Variants in PDE1B observed in about 807,000 individuals in gnomAD.
PDE1B encodes dual specificity calcium/calmodulin-dependent 3',5'-cyclic nucleotide phosphodiesterase 1B.
Under a neutral mutation model 66.7 loss-of-function variants are expected in PDE1B, and 13 were observed. The ratio of observed to expected loss-of-function variants is 0.19; its 90% confidence interval spans 0.13 to 0.31. The LOEUF is 0.31. Among genes scored for constraint, PDE1B ranks in the 10% least tolerant of loss-of-function variants. The probability of loss-of-function intolerance (pLI) is 1.00; values close to 1 mark genes in which losing one functional copy is unlikely to be tolerated. For synonymous variants in PDE1B, 230 were observed against 253.9 expected, an observed-to-expected ratio of 0.91 and a Z score of 0.90; for missense variants, 485 against 682.3, an observed-to-expected ratio of 0.71 and a Z score of 3.22.
In PDE1B at chr12:54,569,078, A is replaced by G. The variant is rs756010641; in HGVS notation, c.228-106A>G. On this transcript the variant is annotated intron_variant, in intron 3 of 15. Transcript: ENST00000243052. This position sits in a 1 kb window ranked among gnomAD's most constrained non-coding sequence, Gnocchi z 4.4. ...AAAGGAAACAGGGTTGAAGACAGAG[A>G]GCTGGCATGAGAGTTACTAAATGTG... 1 of 1,473,478 alleles carries G rather than the reference A, an allele frequency of 6.8e-7. No individual in the cohort carries two copies. Among genetic ancestry groups the G allele is most frequent in the East Asian group, 2.4e-5 (1 of 41,558 alleles). 91.3% of individuals were successfully genotyped at this position (1,473,478 alleles called of 1,614,324 possible). A position where few individuals can be genotyped will look rare whatever the true frequency, so the allele number is the denominator to read the frequency against.
At chr12:54,577,415 G>C (rs756627179) in intron 15 of PDE1B, 70 bp downstream of exon 15, 56 of 1,608,052 alleles carry the variant, frequency 3.5e-5, no homozygotes, top group Non-Finnish European at 4.8e-5. Context: ...GGTCGTCTCT[G>C]GGCTCCAGTG....
chr12:54,550,393 A>G (rs528953364), intron 2 of PDE1B, among the ~76,000 whole-genome samples: 5 of 152,376 alleles, frequency 3.3e-5, no homozygotes, highest in Admixed American at 2.6e-4. Flanking sequence ...AGCGTGGGTC[A>G]CAGAGGTATG....
At position 54,555,205 on chromosome 12, in the gene PDE1B, T is replaced by C. The variant is rs1381194055; in HGVS notation, c.113+5220T>C. ...ATGGAGCAATTGCAGTTCTGAGACATGGTGAGTGTGGGAAGCCCAGGGGCT... is the reference window on the plus strand; with the variant it reads ...ATGGAGCAATTGCAGTTCTGAGACACGGTGAGTGTGGGAAGCCCAGGGGCT... On this transcript the variant is annotated intron_variant, in intron 2 of 15. Transcript: ENST00000243052. Among the ~76,000 whole-genome samples the C allele has an allele frequency of 3.3e-5, 5 of 152,180 alleles. No individual in the cohort carries two copies. The East Asian group carries it at 9.6e-4, about 29-fold the overall frequency.
At chr12:54,577,067 G>C in intron 14 of PDE1B, 158 bp from the exon 15 acceptor site, 1 of 687,444 alleles carries the variant, frequency 1.5e-6, no homozygotes, top group African/African-American at 1.8e-5. Flanking sequence ...TTTTAGCAAG[G>C]CTGGAGAGGC....
In PDE1B at chr12:54,575,920, G is replaced by T. The variant is rs1565706257; in HGVS notation, c.1268-72G>T. On this transcript the variant is annotated intron_variant, in intron 12 of 15. Coordinates refer to ENST00000243052, the MANE Select transcript of PDE1B (RefSeq NM_000924.4). The surrounding 1 kb of genome is among the most constrained non-coding windows in gnomAD (Gnocchi z 4.0). ...ATAAGCAGCCAGGGGTCCTGGCCAT[G>T]CCAGCTGCATGCTCTGCCTAGCCCT... is the stretch of plus-strand genomic sequence containing the variant. 6 of 1,150,720 alleles carry T rather than the reference G, an allele frequency of 5.2e-6. No homozygotes were observed. The highest frequency in any genetic ancestry group is 7.9e-6 in the Non-Finnish European group (6 of 760,070). 71.3% of individuals were successfully genotyped at this position (1,150,720 alleles called of 1,614,324 possible). A position where few individuals can be genotyped will look rare whatever the true frequency, so the allele number is the denominator to read the frequency against.
chr12:54,558,589 T>C lies in PDE1B; in HGVS notation c.114-8385T>C, dbSNP rs566965494. Among the ~76,000 whole-genome samples, 429 of 152,216 alleles carry C rather than the reference T, an allele frequency of 2.8e-3. 2 individuals are homozygous for C. Among genetic ancestry groups the C allele is most frequent in the South Asian group, 6.6e-3 (32 of 4,820 alleles). ...CTCGGGTGAGGTGGAGAGCTGGTTG[T>C]TCTTGGTTTCTGGAGCTACATGCTC... On this transcript the variant is annotated intron_variant, in intron 2 of 15. Transcript: ENST00000243052.
chr12:54,576,727 G>A, intron 14 of PDE1B, 26 bp downstream of exon 14: 1 of 1,579,004 alleles, frequency 6.3e-7, no homozygotes, highest in Non-Finnish European at 8.6e-7. Flanking sequence ...GAGGGCAGGG[G>A]TGAGAACTTG....
intron 2 of PDE1B, among the ~76,000 whole-genome samples, chr12:54,551,559 C>G (rs1957277961): frequency 6.6e-6 from 1 of 152,138 alleles, no homozygotes; most frequent in African/African-American, 2.4e-5. Flanking sequence ...AAAGAAGGGC[C>G]CCAGGTCCAT....
intron 2 of PDE1B, 129 bp from the exon 3 acceptor site, chr12:54,566,845 A>G (rs1957524247): frequency 2.0e-6 from 1 of 488,552 alleles, no homozygotes; most frequent in African/African-American, 2.0e-5. Context: ...ATTATTATTA[A>G]TGTTAGAATG....
chr12:54,577,016 C>T, intron 14 of PDE1B: 4 of 613,384 alleles, frequency 6.5e-6, no homozygotes, highest in Non-Finnish European at 1.1e-5. Context: ...GAAATCTCTT[C>T]CTGTGTGAGG....
Position 54,569,337 on chromosome 12 carries a change from C to T in PDE1B, c.381C>T (p.His127=), listed in dbSNP as rs575814943. The change falls in exon 4 of 16, where the codon CAC becomes CAT. Residue 127 remains histidine, a synonymous_variant. Coordinates refer to ENST00000243052, the MANE Select transcript of PDE1B (RefSeq NM_000924.4). The surrounding 1 kb of genome is among the most constrained non-coding windows in gnomAD (Gnocchi z 4.4). ...AGCCCAAGTTCCGAAGCATTGTGCACGCTGTGCAGGCTGGGATCTTCGTGG... is the reference window on the plus strand; with the variant it reads ...AGCCCAAGTTCCGAAGCATTGTGCATGCTGTGCAGGCTGGGATCTTCGTGG... The part of the protein sequence containing the change: ...EEKPKFRSIV[H]AVQAGIFVER... 7 of 1,612,436 alleles carry T rather than the reference C, an allele frequency of 4.3e-6. No homozygotes were observed. The highest frequency in any genetic ancestry group is 2.2e-5 in the South Asian group (2 of 90,812).
At chr12:54,565,127 G>T (rs1957491502) in intron 2 of PDE1B, among the ~76,000 whole-genome samples, 1 of 152,224 alleles carries the variant, frequency 6.6e-6, no homozygotes, top group African/African-American at 2.4e-5. Context: ...CTGGGATGTG[G>T]GTTTCAAAAG....
At chr12:54,559,741 T>G (rs1023131918) in intron 2 of PDE1B, among the ~76,000 whole-genome samples, 1 of 152,140 alleles carries the variant, frequency 6.6e-6, no homozygotes, top group African/African-American at 2.4e-5. Context: ...ATCTTTACTT[T>G]TCATTAGGAG....
chr12:54,572,782 A>G (rs953626353), intron 7 of PDE1B, 41 bp downstream of exon 7: 5 of 1,596,822 alleles, frequency 3.1e-6, no homozygotes, highest in Non-Finnish European at 4.3e-6. Flanking sequence ...TTCAGGGCCT[A>G]TGGCTACAGA....
At chr12:54,568,602 T>C (rs1201993612) in intron 3 of PDE1B, among the ~76,000 whole-genome samples, 1 of 152,026 alleles carries the variant, frequency 6.6e-6, no homozygotes, top group Non-Finnish European at 1.5e-5. Flanking sequence ...CCCAGCACTT[T>C]GGGAGGCTGA....
At position 54,575,252 on chromosome 12, in the gene PDE1B, G is replaced by A; in HGVS notation, c.1185+34G>A. Reference sequence around the variant, plus strand: ...GCATCTTTGCCTTCCCTGTGCCTATGGGGGCCTTCTCTCCCCTTTTGCCCT... The same window carrying A: ...GCATCTTTGCCTTCCCTGTGCCTATAGGGGCCTTCTCTCCCCTTTTGCCCT... On this transcript the variant is annotated intron_variant, in intron 11 of 15. Coordinates refer to ENST00000243052, the MANE Select transcript of PDE1B (RefSeq NM_000924.4). The surrounding 1 kb of genome is among the most constrained non-coding windows in gnomAD (Gnocchi z 4.0). 6.3e-7 allele frequency: 1 copy of A among 1,597,898 alleles called. No homozygotes were observed. The highest frequency in any genetic ancestry group is 8.6e-7 in the Non-Finnish European group (1 of 1,165,938).
At position 54,573,383 on chromosome 12, in the gene PDE1B, C is replaced by T. The variant is rs769955859; in HGVS notation, c.865C>T (p.Arg289Cys). Residue 289 changes from arginine (R) to cysteine (C), a missense_variant, in exon 9 of 16, where the codon CGT (arginine) becomes TGT (cysteine). Around this residue, in one of 4 missense-constraint regions of PDE1B, gnomAD observed 282 missense variants for 453.4 expected, o/e 0.62. Transcript: ENST00000243052. This position sits in a 1 kb window ranked among gnomAD's most constrained non-coding sequence, Gnocchi z 5.2. The stretch of plus-strand genomic sequence containing the variant: ...AGAATGTGCCATCGTGTACAATGAT[C>T]GTTCAGTGCTGGAGAATCACCACAT... The part of the protein sequence containing the change: ...KSECAIVYND[R>C]SVLENHHISS... 3.1e-6 allele frequency: 5 copies of T among 1,613,894 alleles called. No individual in the cohort carries two copies. The highest frequency in any genetic ancestry group is 1.7e-5 in the Admixed American group (1 of 60,004).
At chr12:54,566,557 C>G (rs1957519663) in intron 2 of PDE1B, among the ~76,000 whole-genome samples, 1 of 152,188 alleles carries the variant, frequency 6.6e-6, no homozygotes, top group African/African-American at 2.4e-5. Context: ...TCCCAAAGCC[C>G]TCTCCCATGG....
chr12:54,577,468 G>A (rs777612066), intron 15 of PDE1B, 123 bp downstream of exon 15: 114 of 1,601,616 alleles, frequency 7.1e-5, no homozygotes, highest in South Asian at 1.1e-4. Context: ...AAAATGGAGC[G>A]AGTGAAGACA....
Sources: allele counts gnomAD v4.1 joint callset (sites outside exome capture counted in the v4.1 genomes callset), GRCh38; gene constraint gnomAD v4.1.1; regional missense constraint gnomAD v4.1.1; non-coding constraint Gnocchi (gnomAD v3.1); transcripts MANE v1.5; gene names NCBI Gene and HGNC (gene_info 2026-07-23, HGNC 2026-07-21).